CDH13: variants seen among roughly 807,000 people sequenced by gnomAD.
CDH13 encodes the protein cadherin-13.
In CDH13, 24 loss-of-function variants were observed where a neutral mutation model predicts 63.8. That is an observed-to-expected ratio of 0.38 (90% CI 0.27 to 0.53). The LOEUF (loss-of-function observed/expected upper bound fraction) is 0.53. Ranked by LOEUF, CDH13 falls within the 20% of genes least tolerant of loss-of-function variation. CDH13 has a pLI of 0.85. For missense variants in CDH13, 1,049 were observed against 903.1 expected (o/e 1.16, Z -2.07); for synonymous variants, 503 against 355.3 (o/e 1.42, Z -4.67).
At chr16:83,708,075 C>T (rs1017203312) in intron 10 of CDH13, among the ~76,000 whole-genome samples, 1 of 152,130 alleles carries the variant, frequency 6.6e-6, no homozygotes, top group Non-Finnish European at 1.5e-5. Context: ...GCTCTTCCAG[C>T]CAGCAGTGCT....
Position 83,049,827 on chromosome 16 carries a change from G to C in CDH13, c.366+17609G>C, listed in dbSNP as rs139526016. Among the ~76,000 whole-genome samples the C allele has an allele frequency of 9.1e-4, 139 of 152,220 alleles. 1 individual carries two copies. The highest frequency in any genetic ancestry group is 3.0e-3 in the African/African-American group (126 of 41,548). ...CCAACCTGTGTGCAAATGTATTTGA[G>C]TACTAATTTTTTATTTGTAAATACA... is the stretch of plus-strand genomic sequence containing the variant. On this transcript the variant is annotated intron_variant, in intron 3 of 13. Coordinates refer to ENST00000567109, the MANE Select transcript of CDH13 (RefSeq NM_001257.5).
At chr16:83,101,986 A>C (rs938106241) in intron 3 of CDH13, among the ~76,000 whole-genome samples, 6 of 152,170 alleles carry the variant, frequency 3.9e-5, no homozygotes, top group Admixed American at 2.6e-4. Context: ...AATGTGATTC[A>C]AGTTAAGGAT....
At chr16:82,660,984 A>G (rs1911875595) in intron 1 of CDH13, among the ~76,000 whole-genome samples, 1 of 152,124 alleles carries the variant, frequency 6.6e-6, no homozygotes, top group African/African-American at 2.4e-5. Context: ...AAAACAAACC[A>G]AACACCCACC....
At chr16:82,895,990 G>T (rs1350917140) in intron 2 of CDH13, among the ~76,000 whole-genome samples, 2 of 152,122 alleles carry the variant, frequency 1.3e-5, no homozygotes, top group Admixed American at 6.5e-5. Context: ...CATGGGTAGT[G>T]CTTCCTGTCA....
At chr16:82,931,631 A>G (rs902261381) in intron 2 of CDH13, among the ~76,000 whole-genome samples, 3 of 152,228 alleles carry the variant, frequency 2.0e-5, no homozygotes, top group Admixed American at 6.5e-5. Context: ...AAGAAGTTTA[A>G]TGGACTCACA....
At chr16:82,795,655 C>T (rs1165576737) in intron 1 of CDH13, among the ~76,000 whole-genome samples, 1 of 152,182 alleles carries the variant, frequency 6.6e-6, no homozygotes, top group African/African-American at 2.4e-5. Flanking sequence ...AGTAGGGGGA[C>T]AGAGACCTGC....
chr16:83,085,946 T>C (rs2033564768), intron 3 of CDH13, among the ~76,000 whole-genome samples: 1 of 152,180 alleles, frequency 6.6e-6, no homozygotes, highest in South Asian at 2.1e-4. Flanking sequence ...TGAAATACTA[T>C]GTTAGTGCCA....
At chr16:82,810,777 AGCTGGACCAT>A (rs1039054806) in intron 1 of CDH13, among the ~76,000 whole-genome samples, 2 of 152,080 alleles carry the variant, frequency 1.3e-5, no homozygotes, top group Non-Finnish European at 2.9e-5. Context: ...AAATGAGAGA[AGCTGGACCAT>A]GCAGAGCCTT....
chr16:83,341,404 G>A (rs983912332), intron 5 of CDH13, among the ~76,000 whole-genome samples: 1 of 152,172 alleles, frequency 6.6e-6, no homozygotes, highest in African/African-American at 2.4e-5. Flanking sequence ...GAAAACTCAC[G>A]GGAATGTCAG....
intron 10 of CDH13, among the ~76,000 whole-genome samples, chr16:83,682,588 A>C (rs1181037928): frequency 1.3e-5 from 2 of 152,096 alleles, no homozygotes; most frequent in African/African-American, 4.8e-5. Context: ...CTGTGCGGTC[A>C]CCACAGTTGC....
intron 12 of CDH13, among the ~76,000 whole-genome samples, chr16:83,781,571 T>C (rs1264527460): frequency 2.0e-5 from 3 of 152,232 alleles, no homozygotes; most frequent in Non-Finnish European, 4.4e-5. Context: ...TGCTTGTTAT[T>C]GATTCTATTT....
chr16:83,559,812 C>A (rs892603025), intron 7 of CDH13, among the ~76,000 whole-genome samples: 3 of 152,132 alleles, frequency 2.0e-5, no homozygotes, highest in Admixed American at 6.5e-5. Flanking sequence ...GCCGAAGGCA[C>A]CACAGCGTCT....
intron 1 of CDH13, 85 bp from the exon 2 acceptor site, chr16:82,858,276 GT>G: frequency 2.6e-6 from 2 of 780,722 alleles, no homozygotes; most frequent in East Asian, 2.6e-5. Flanking sequence ...ACCTCAGCTT[GT>G]TTCTAAAAGT....
chr16:82,816,940 A>G (rs1344466817), intron 1 of CDH13, among the ~76,000 whole-genome samples: 7 of 152,034 alleles, frequency 4.6e-5, no homozygotes, highest in African/African-American at 1.7e-4. Context: ...AGCGGACAGA[A>G]AACATGACCT....
chr16:83,580,746 C>T (rs966675368), intron 7 of CDH13, among the ~76,000 whole-genome samples: 4 of 152,062 alleles, frequency 2.6e-5, no homozygotes, highest in Admixed American at 2.6e-4. Flanking sequence ...ATTCTGCCCG[C>T]CTCCCAAAGT....
chr16:83,066,220 C>G (rs1293359625), intron 3 of CDH13, among the ~76,000 whole-genome samples: 1 of 152,194 alleles, frequency 6.6e-6, no homozygotes, highest in Non-Finnish European at 1.5e-5. Context: ...ATGAGTTCTT[C>G]TCAACAAGTG....
chr16:82,942,948 C>G (rs562653022), intron 2 of CDH13, among the ~76,000 whole-genome samples: 1 of 152,140 alleles, frequency 6.6e-6, no homozygotes, highest in South Asian at 2.1e-4. Flanking sequence ...TGCTCTACCC[C>G]GTATCCTTGA....
intron 1 of CDH13, among the ~76,000 whole-genome samples, chr16:82,698,728 G>C (rs2030634957): frequency 6.6e-6 from 1 of 152,186 alleles, no homozygotes; most frequent in African/African-American, 2.4e-5. Context: ...CCATGGCACA[G>C]GGGGGCGTGA....
intron 8 of CDH13, among the ~76,000 whole-genome samples, chr16:83,645,903 T>A (rs1471719509): frequency 2.6e-5 from 4 of 152,106 alleles, no homozygotes; most frequent in African/African-American, 9.7e-5. Context: ...AAAATTGAGG[T>A]GAAAAATCAT....
Sources: allele counts gnomAD v4.1 joint callset (sites outside exome capture counted in the v4.1 genomes callset), GRCh38; gene constraint gnomAD v4.1.1; transcripts MANE v1.5; gene names NCBI Gene and HGNC (gene_info 2026-07-23, HGNC 2026-07-21).